The following ROBO2 variants were observed in gnomAD, a reference collection of about 807,000 sequenced individuals.
ROBO2 encodes the protein roundabout homolog 2.
A neutral mutation model predicts 160.8 loss-of-function variants in ROBO2; 53 were observed. The observed-to-expected ratio is 0.33, with a 90% CI of 0.26 to 0.41. ROBO2 has a LOEUF of 0.41. ROBO2 is among the 10% of genes least tolerant of loss of function. The probability of loss-of-function intolerance (pLI) is 1.00; values close to 1 mark genes in which losing one functional copy is unlikely to be tolerated. For synonymous variants in ROBO2, 664 were observed against 611.7 expected (o/e 1.09, Z -1.26); for missense variants, 1,577 against 1,722.4 (o/e 0.92, Z 1.49).
intron 2 of ROBO2, among the ~76,000 whole-genome samples, chr3:76,362,549 T>C (rs543323612): frequency 6.6e-6 from 1 of 152,230 alleles, no homozygotes; most frequent in South Asian, 2.1e-4. Flanking sequence ...TGAATTGTCT[T>C]ATTTATAAGG....
At chr3:76,310,672 G>A (rs901400975) in intron 2 of ROBO2, among the ~76,000 whole-genome samples, 1 of 152,186 alleles carries the variant, frequency 6.6e-6, no homozygotes, top group African/African-American at 2.4e-5. Flanking sequence ...CTGAATCCTC[G>A]TCTATCCACA....
At chr3:76,845,310 T>C (rs975063141) in intron 2 of ROBO2, among the ~76,000 whole-genome samples, 1 of 151,976 alleles carries the variant, frequency 6.6e-6, no homozygotes, top group Non-Finnish European at 1.5e-5. Flanking sequence ...CCTTCACAAA[T>C]TATGAAAGGA....
intron 2 of ROBO2, among the ~76,000 whole-genome samples, chr3:76,105,730 A>T (rs975151049): frequency 2.0e-5 from 3 of 152,024 alleles, no homozygotes; most frequent in African/African-American, 7.2e-5. Flanking sequence ...AGACCTTCCC[A>T]TGGGGAGTAA....
intron 2 of ROBO2, among the ~76,000 whole-genome samples, chr3:77,435,627 G>A (rs1258750662): frequency 2.0e-5 from 3 of 151,594 alleles, no homozygotes; most frequent in Non-Finnish European, 4.4e-5. Context: ...CTATTGATCC[G>A]CTAAAAAATG....
At chr3:77,562,889 C>T (rs2093367810) in intron 10 of ROBO2, among the ~76,000 whole-genome samples, 157 bp downstream of exon 11, 1 of 152,142 alleles carries the variant, frequency 6.6e-6, no homozygotes, top group Admixed American at 6.5e-5. Flanking sequence ...TGAATTTGCA[C>T]ACACCATTAC....
intron 2 of ROBO2, among the ~76,000 whole-genome samples, chr3:76,417,804 T>C (rs72898589): frequency 0.04 from 6,059 of 152,202 alleles, 285 homozygotes; most frequent in African/African-American, 0.11. Context: ...ATTTTATAGT[T>C]GATTCTTGTC....
intron 2 of ROBO2, among the ~76,000 whole-genome samples, chr3:76,545,914 T>C (rs1052454506): frequency 1.3e-5 from 2 of 151,838 alleles, no homozygotes; most frequent in African/African-American, 2.4e-5. Flanking sequence ...AAACAGTATA[T>C]TTCCATGTTC....
chr3:76,762,824 T>A (rs1305382062), intron 2 of ROBO2, among the ~76,000 whole-genome samples: 1 of 151,730 alleles, frequency 6.6e-6, no homozygotes, highest in Non-Finnish European at 1.5e-5. Flanking sequence ...CAGAATATGG[T>A]TACTGGTTCC....
At chr3:77,042,185 C>G (rs2064169287) in intron 1 of ROBO2, among the ~76,000 whole-genome samples, 1 of 152,194 alleles carries the variant, frequency 6.6e-6, no homozygotes, top group Non-Finnish European at 1.5e-5. Flanking sequence ...GTGTGCACTG[C>G]TTCTCTCTTT....
intron 2 of ROBO2, among the ~76,000 whole-genome samples, chr3:76,570,209 T>C (rs1033450815): frequency 6.6e-6 from 1 of 152,138 alleles, no homozygotes; most frequent in African/African-American, 2.4e-5. Context: ...AGCCATTGGA[T>C]AGTTCTGGGC....
At chr3:77,041,140 A>G (rs1425622056) in intron 1 of ROBO2, among the ~76,000 whole-genome samples, 1 of 152,228 alleles carries the variant, frequency 6.6e-6, no homozygotes, top group Non-Finnish European at 1.5e-5. Context: ...AGAAAAAGAA[A>G]TATTACAGTC....
intron 2 of ROBO2, chr3:76,311,073 G>A (rs1218929776): frequency 6.6e-6 from 1 of 152,182 alleles, no homozygotes; most frequent in African/African-American, 2.4e-5. Context: ...TTATTTTATA[G>A]CTTCTGGAGT....
At chr3:76,025,395 A>C (rs1444918314) in intron 2 of ROBO2, among the ~76,000 whole-genome samples, 1 of 151,704 alleles carries the variant, frequency 6.6e-6, no homozygotes, top group Non-Finnish European at 1.5e-5. Context: ...TGAAGCTTTC[A>C]ATAAAGTCAT....
intron 2 of ROBO2, among the ~76,000 whole-genome samples, chr3:77,100,471 T>G (rs890885775): frequency 1.3e-5 from 2 of 152,070 alleles, no homozygotes; most frequent in Admixed American, 6.5e-5. Flanking sequence ...ATTGTGATTT[T>G]TCACTACCTA....
At chr3:76,293,057 T>C (rs908973474) in intron 2 of ROBO2, among the ~76,000 whole-genome samples, 1 of 152,148 alleles carries the variant, frequency 6.6e-6, no homozygotes, top group South Asian at 2.1e-4. Flanking sequence ...TTTTTGCTTT[T>C]ATATTTTATA....
At chr3:76,236,603 C>A (rs1429518038) in intron 2 of ROBO2, among the ~76,000 whole-genome samples, 1 of 152,084 alleles carries the variant, frequency 6.6e-6, no homozygotes, top group East Asian at 1.9e-4. Flanking sequence ...GCATTTCCAA[C>A]TCTGTAAATC....
intron 2 of ROBO2, among the ~76,000 whole-genome samples, chr3:77,432,653 GCCACAAAGACCTTTTGGT>G (rs1249779657): frequency 1.3e-5 from 2 of 152,148 alleles, no homozygotes; most frequent in Non-Finnish European, 2.9e-5. Context: ...CTGAGTAGTT[GCCACAAAGACCTTTTGGT>G]CCACAAACCC....
chr3:77,188,867 A>C (rs1347210536), intron 2 of ROBO2, among the ~76,000 whole-genome samples: 2 of 151,826 alleles, frequency 1.3e-5, no homozygotes, highest in East Asian at 3.9e-4. Context: ...ATATATTTTC[A>C]AACAATGCTT....
intron 2 of ROBO2, among the ~76,000 whole-genome samples, chr3:77,389,261 C>T (rs2074458430): frequency 6.6e-6 from 1 of 151,944 alleles, no homozygotes; most frequent in African/African-American, 2.4e-5. Context: ...TTTTTTTAAC[C>T]CACTTTCTTC....
Sources: allele counts gnomAD v4.1 joint callset (sites outside exome capture counted in the v4.1 genomes callset), GRCh38; gene constraint gnomAD v4.1.1; transcripts MANE v1.5; gene names NCBI Gene and HGNC (gene_info 2026-07-23, HGNC 2026-07-21).